TUB: variants seen among roughly 807,000 people sequenced by gnomAD.
TUB encodes tubby protein homolog.
In TUB, 33 loss-of-function variants were observed where a neutral mutation model predicts 59.7. The observed-to-expected ratio is 0.55, with a 90% CI of 0.42 to 0.74. The LOEUF is 0.74. Among genes scored for constraint, TUB ranks in the 30% least tolerant of loss-of-function variants. The probability of loss-of-function intolerance (pLI) is 0.00; values close to 1 mark genes in which losing one functional copy is unlikely to be tolerated. For missense variants in TUB, 659 were observed against 672.0 expected (o/e 0.98, Z 0.21); for synonymous variants, 293 against 256.4 (o/e 1.14, Z -1.36).
At position 8,058,351 on chromosome 11, in the gene TUB, C is replaced by T. The variant is rs138322869; in HGVS notation, c.203+18659C>T. Among the ~76,000 whole-genome samples, 157 of 152,202 alleles carry T rather than the reference C, an allele frequency of 1.0e-3. 2 individuals carry two copies. The Middle Eastern group carries it at 0.014, about 13-fold the overall frequency. On this transcript the variant is annotated intron_variant, in intron 2 of 12. Coordinates refer to the TUB transcript ENST00000305253. ...TCCCTGCGCTTGTCTGTTGTGTCTG[C>T]GGGGTGGAACTGCCACGTGACCGTG...
intron 1 of TUB, among the ~76,000 whole-genome samples, chr11:8,083,719 C>T (rs1943614233): frequency 6.6e-6 from 1 of 152,124 alleles, no homozygotes; most frequent in Non-Finnish European, 1.5e-5. Flanking sequence ...CCTTATAGCC[C>T]TGCACTGCTT....
intron 2 of TUB, among the ~76,000 whole-genome samples, chr11:8,051,237 T>C (rs905320957): frequency 2.0e-5 from 3 of 152,220 alleles, no homozygotes; most frequent in Non-Finnish European, 2.9e-5. Flanking sequence ...CAATTACATA[T>C]GTTTGTGTGT....
chr11:8,097,170 A>G (rs1409443238), intron 6 of TUB, 58 bp from the exon 7 acceptor site: 1 of 1,589,378 alleles, frequency 6.3e-7, no homozygotes, highest in Non-Finnish European at 8.6e-7. Flanking sequence ...ATCCCAGACC[A>G]CCAATTTGGG....
chr11:8,047,597 C>T (rs138046639), intron 2 of TUB, among the ~76,000 whole-genome samples: 1 of 152,226 alleles, frequency 6.6e-6, no homozygotes, highest in South Asian at 2.1e-4. Flanking sequence ...GCAGCAGGGC[C>T]TTCCTCCTAG....
chr11:8,096,647 C>G (rs1331487112), intron 5 of TUB, 38 bp from the exon 6 acceptor site: 2 of 1,389,252 alleles, frequency 1.4e-6, no homozygotes, highest in African/African-American at 2.8e-5. Flanking sequence ...GCGTAGACTT[C>G]TCCTCCTTCA....
At chr11:8,026,932 C>A (rs1942507637) in intron 1 of TUB, among the ~76,000 whole-genome samples, 1 of 152,108 alleles carries the variant, frequency 6.6e-6, no homozygotes, top group Admixed American at 6.5e-5. Context: ...GATAGATCAT[C>A]TTAATTTCTC....
chr11:8,021,653 C>T (rs1216853983), intron 1 of TUB, among the ~76,000 whole-genome samples: 2 of 151,986 alleles, frequency 1.3e-5, no homozygotes, highest in Non-Finnish European at 2.9e-5. Flanking sequence ...TGGTGGCTCA[C>T]GCCTGTAATC....
intron 4 of TUB, among the ~76,000 whole-genome samples, chr11:8,094,974 C>T (rs763595693): frequency 6.6e-6 from 1 of 152,306 alleles, no homozygotes; most frequent in Non-Finnish European, 1.5e-5. Context: ...GGAAAGCTGA[C>T]GTAGGATGGG....
At chr11:8,064,720 G>A (rs1055033745) in intron 2 of TUB, among the ~76,000 whole-genome samples, 4 of 152,206 alleles carry the variant, frequency 2.6e-5, no homozygotes, top group African/African-American at 9.6e-5. Context: ...CCCAGTGATA[G>A]AAACTAGGTG....
At chr11:8,086,455 C>G (rs1394430198) in intron 1 of TUB, among the ~76,000 whole-genome samples, 2 of 152,108 alleles carry the variant, frequency 1.3e-5, no homozygotes, top group African/African-American at 4.8e-5. Flanking sequence ...AGACAGCCAT[C>G]GCAGTTGCCC....
chr11:8,072,130 G>T (rs888039417), intron 2 of TUB, among the ~76,000 whole-genome samples: 1 of 152,172 alleles, frequency 6.6e-6, no homozygotes, highest in Admixed American at 6.5e-5. Context: ...ACCAGGAGTC[G>T]GGAGAGAGAC....
At chr11:8,100,785 C>T in intron 10 of TUB, 41 bp from the exon 11 acceptor site, 1 of 1,608,232 alleles carries the variant, frequency 6.2e-7, no homozygotes, top group East Asian at 2.2e-5. Context: ...GGTCATGGTG[C>T]CAAAGGCCTG....
chr11:8,082,194 C>T (rs1028807430), intron 1 of TUB, among the ~76,000 whole-genome samples: 2 of 152,168 alleles, frequency 1.3e-5, no homozygotes, highest in Admixed American at 6.5e-5. Flanking sequence ...GAATAATCTA[C>T]TTGCTAGCAG....
At position 8,102,236 on chromosome 11, in the gene TUB, T is replaced by TA. The variant is rs1944339060; in HGVS notation, c.*617_*618insA. The TA allele has an allele frequency of 6.6e-6, 1 of 152,046 alleles. No homozygotes were observed. The highest frequency in any genetic ancestry group is 1.5e-5 in the Non-Finnish European group (1 of 68,056). The allele number at this position is 152,046 out of a possible 1,614,324, so 9.4% of individuals were successfully genotyped here. A position where few individuals can be genotyped will look rare whatever the true frequency, so the allele number is the denominator to read the frequency against. ...GGCAGGACCCTGTCAGGATTGCAGGTGCCTGGCTTGCTGTGGCTATGGGAA... is the reference window on the plus strand; with the variant it reads ...GGCAGGACCCTGTCAGGATTGCAGGTAGCCTGGCTTGCTGTGGCTATGGGAA... On this transcript the variant is annotated 3_prime_UTR_variant, in exon 12 of 12. Coordinates refer to ENST00000299506, the MANE Select transcript of TUB (RefSeq NM_177972.3).
chr11:8,040,984 G>T (rs186157705), intron 2 of TUB, among the ~76,000 whole-genome samples: 1 of 152,188 alleles, frequency 6.6e-6, no homozygotes, highest in Non-Finnish European at 1.5e-5. Flanking sequence ...GAATTAGAAC[G>T]CAGGCCACCT....
chr11:8,100,389 A>T (rs1054363565), intron 9 of TUB, 114 bp from the exon 10 acceptor site: 6 of 808,284 alleles, frequency 7.4e-6, no homozygotes, highest in Non-Finnish European at 1.3e-5. Context: ...TGTGTGTTAG[A>T]CTTCGGAGTG....
intron 1 of TUB, among the ~76,000 whole-genome samples, chr11:8,083,730 G>A (rs1045013621): frequency 6.6e-6 from 1 of 152,006 alleles, no homozygotes; most frequent in Non-Finnish European, 1.5e-5. Flanking sequence ...TGCACTGCTT[G>A]CTTTCCCCAT....
In TUB at chr11:8,100,913, G is replaced by C; in HGVS notation, c.1303G>C (p.Asp435His). 6.2e-7 allele frequency: 1 copy of C among 1,614,140 alleles called. No individual in the cohort carries two copies. Among genetic ancestry groups the C allele is most frequent in the South Asian group, 1.1e-5 (1 of 91,074 alleles). The change falls in exon 11 of 12, where the codon GAC becomes CAC. Residue 435 changes from aspartate to histidine, a missense_variant. By Grantham distance (81) the Asp-to-His change is moderately conservative. Around this residue, in one of 3 missense-constraint regions of TUB, gnomAD observed 226 missense variants for 210.8 expected, o/e 1.07. Transcript: ENST00000299506. ...AAACAAGACACCTGTCTGGAATGAT[G>C]ACACACAGTCCTATGTACTCAACTT... ...LQNKTPVWND[D>H]TQSYVLNFHG...
upstream of TUB, among the ~76,000 whole-genome samples, chr11:8,079,674 G>GTGTGTGTGTGTGCA (rs887153579): frequency 3.9e-4 from 22 of 56,842 alleles, no homozygotes; most frequent in Admixed American, 1.6e-3. Context: ...ATGTGTGTAG[G>GTGTGTGTGTGTGCA]TGTGTGTAGG....
Sources: allele counts gnomAD v4.1 joint callset (sites outside exome capture counted in the v4.1 genomes callset), GRCh38; gene constraint gnomAD v4.1.1; regional missense constraint gnomAD v4.1.1; transcripts MANE v1.5; gene names NCBI Gene and HGNC (gene_info 2026-07-23, HGNC 2026-07-21).